CNTN4: variants seen among roughly 807,000 people sequenced by gnomAD.
The protein encoded by CNTN4 is contactin 4.
Under a neutral mutation model 122.5 loss-of-function variants are expected in CNTN4, and 77 were observed. The ratio of observed to expected loss-of-function variants is 0.63; its 90% CI spans 0.52 to 0.76. The LOEUF (loss-of-function observed/expected upper bound fraction) is 0.76, where lower values mean the gene tolerates loss of function less well. Among genes scored for constraint, CNTN4 ranks in the 30% least tolerant of loss-of-function variants. The probability of loss-of-function intolerance (pLI) is 0.00; values close to 1 mark genes in which losing one functional copy is unlikely to be tolerated. For synonymous variants in CNTN4, 512 were observed against 447.0 expected (o/e 1.15, Z -1.83); for missense variants, 1,256 against 1,259.1 (o/e 1.00, Z 0.04).
At chr3:2,973,120 C>T (rs1283324150) in intron 13 of CNTN4, among the ~76,000 whole-genome samples, 1 of 152,026 alleles carries the variant, frequency 6.6e-6, no homozygotes, top group East Asian at 1.9e-4. Flanking sequence ...AGAATAAAGG[C>T]TCTTCGTTGA....
At chr3:2,208,319 T>C (rs2038455618) in intron 2 of CNTN4, among the ~76,000 whole-genome samples, 1 of 152,120 alleles carries the variant, frequency 6.6e-6, no homozygotes, top group Non-Finnish European at 1.5e-5. Context: ...AGGTTCAAGA[T>C]TTCAGTGCAG....
chr3:2,980,573 A>C lies in CNTN4; in HGVS notation c.1359-7772A>C, dbSNP rs542769672. 3.3e-5 allele frequency among the ~76,000 whole-genome samples: 5 copies of C among 152,318 alleles called. No homozygotes were observed. The South Asian group carries it at 8.3e-4, about 25-fold the overall frequency. ...AAATCTCATCCAGAAACAAACATGAAAATAAAGCTATTAAAGCGGCGCTGT... is the reference window on the plus strand; with the variant it reads ...AAATCTCATCCAGAAACAAACATGACAATAAAGCTATTAAAGCGGCGCTGT... On this transcript the variant is annotated intron_variant, in intron 13 of 24. Transcript: ENST00000418658.
At chr3:2,878,553 C>CTGTGTGTGTGTGTGTG (rs60925207) in intron 8 of CNTN4, among the ~76,000 whole-genome samples, 8,796 of 146,856 alleles carry the variant, frequency 0.06, 300 homozygotes, top group Middle Eastern at 0.092. Context: ...GAGATGCTCT[C>CTGTGTGTGTGTGTGTG]TGTGTGTGTG....
chr3:3,037,398 C>G (rs1044536559), intron 18 of CNTN4, 70 bp downstream of exon 18: 108 of 1,596,044 alleles, frequency 6.8e-5, no homozygotes, highest in Non-Finnish European at 8.8e-5. Context: ...CGTTTGAATT[C>G]TTGCTGCTCT....
intron 4 of CNTN4, among the ~76,000 whole-genome samples, chr3:2,678,477 T>A (rs1453007090): frequency 6.6e-6 from 1 of 152,182 alleles, no homozygotes; most frequent in Admixed American, 6.5e-5. Context: ...CCCTTTTAGT[T>A]ATCTTTGTGT....
chr3:2,689,329 A>C (rs2085602738), intron 4 of CNTN4, among the ~76,000 whole-genome samples: 2 of 152,250 alleles, frequency 1.3e-5, no homozygotes, highest in Admixed American at 1.3e-4. Flanking sequence ...TGCCACTAGA[A>C]AAAGAATCCT....
At chr3:2,135,589 G>A (rs1454267550) in intron 2 of CNTN4, among the ~76,000 whole-genome samples, 1 of 151,586 alleles carries the variant, frequency 6.6e-6, no homozygotes, top group Admixed American at 6.5e-5. Flanking sequence ...CATATTTGTT[G>A]TATTTCCGAG....
chr3:2,653,652 C>A (rs2083459084), intron 4 of CNTN4, among the ~76,000 whole-genome samples: 1 of 152,120 alleles, frequency 6.6e-6, no homozygotes, highest in African/African-American at 2.4e-5. Context: ...CTGCCTTCAA[C>A]CTTTGTTAGT....
chr3:2,296,302 A>G (rs1490483658), intron 2 of CNTN4, among the ~76,000 whole-genome samples: 2 of 152,066 alleles, frequency 1.3e-5, no homozygotes, highest in Non-Finnish European at 2.9e-5. Flanking sequence ...GATTCTTCCT[A>G]CCCATGAGCA....
At chr3:2,779,146 GTAGT>G (rs1172704044) in intron 6 of CNTN4, among the ~76,000 whole-genome samples, 1 of 152,142 alleles carries the variant, frequency 6.6e-6, no homozygotes, top group Non-Finnish European at 1.5e-5. Flanking sequence ...TGGGGGGAGG[GTAGT>G]TAGAGCAATG....
chr3:2,755,815 G>A (rs2149646218), intron 6 of CNTN4, among the ~76,000 whole-genome samples: 1 of 152,200 alleles, frequency 6.6e-6, no homozygotes, highest in East Asian at 1.9e-4. Flanking sequence ...GGGGATCCAA[G>A]CAAGATTCAT....
At chr3:2,371,255 T>C (rs148546242) in intron 3 of CNTN4, among the ~76,000 whole-genome samples, 8 of 152,334 alleles carry the variant, frequency 5.3e-5, no homozygotes, top group Non-Finnish European at 1.0e-4. Flanking sequence ...AGCATTCTTT[T>C]TGTGGCTCAT....
intron 3 of CNTN4, among the ~76,000 whole-genome samples, chr3:2,431,883 A>G (rs1017104041): frequency 2.6e-5 from 4 of 151,928 alleles, no homozygotes; most frequent in South Asian, 2.1e-4. Flanking sequence ...AAGTCAAAAC[A>G]ATTGAAACAC....
At chr3:2,749,151 C>T (rs547494922) in intron 6 of CNTN4, among the ~76,000 whole-genome samples, 2 of 152,018 alleles carry the variant, frequency 1.3e-5, no homozygotes, top group South Asian at 4.2e-4. Flanking sequence ...TTCTATTTCA[C>T]TTACCAGAAT....
At chr3:2,238,247 A>C (rs1160144671) in intron 2 of CNTN4, among the ~76,000 whole-genome samples, 1 of 152,134 alleles carries the variant, frequency 6.6e-6, no homozygotes, top group African/African-American at 2.4e-5. Flanking sequence ...GAATTGTATA[A>C]CAGTTTTGAT....
At chr3:2,431,694 A>G (rs1424037305) in intron 3 of CNTN4, among the ~76,000 whole-genome samples, 1 of 152,214 alleles carries the variant, frequency 6.6e-6, no homozygotes, top group Non-Finnish European at 1.5e-5. Context: ...CCCTGACCTC[A>G]GGGATATAGA....
intron 2 of CNTN4, among the ~76,000 whole-genome samples, chr3:2,129,031 A>G (rs1433140379): frequency 1.3e-5 from 2 of 152,194 alleles, no homozygotes; most frequent in East Asian, 1.9e-4. Context: ...AACATTTTCT[A>G]TGGTAAAATA....
At chr3:2,845,761 G>A (rs529959848) in intron 7 of CNTN4, among the ~76,000 whole-genome samples, 4 of 152,302 alleles carry the variant, frequency 2.6e-5, no homozygotes, top group South Asian at 4.1e-4. Flanking sequence ...AGTCAGTGAC[G>A]TGGAGTTGAG....
At chr3:2,899,684 C>T (rs147890845) in intron 10 of CNTN4, among the ~76,000 whole-genome samples, 137 of 152,060 alleles carry the variant, frequency 9.0e-4, no homozygotes, top group African/African-American at 3.2e-3. Flanking sequence ...ATTTGGGCAG[C>T]GGGGGTAGTG....
Sources: gnomAD v4.1 joint callset for allele counts (sites outside exome capture counted in the v4.1 genomes callset) on GRCh38, gnomAD v4.1.1 for gene constraint, MANE v1.5 for transcripts, NCBI Gene and HGNC (gene_info 2026-07-23, HGNC 2026-07-21) for gene names.